The following DCAF4 variants were observed in gnomAD, a reference collection of about 807,000 sequenced individuals.
DCAF4 encodes the protein DDB1- and CUL4-associated factor 4.
In DCAF4, 37 loss-of-function variants were observed where a neutral mutation model predicts 60.9. The ratio of observed to expected loss-of-function variants is 0.61; its 90% CI spans 0.47 to 0.80. The LOEUF (loss-of-function observed/expected upper bound fraction) is 0.80. DCAF4 is among the 30% of genes least tolerant of loss of function. The pLI, the probability that DCAF4 is intolerant of heterozygous loss-of-function variation, is 0.00. For synonymous variants in DCAF4, 243 were observed against 254.8 expected (o/e 0.95, Z 0.44); for missense variants, 577 against 650.0 (o/e 0.89, Z 1.22).
chr14:72,944,205 C>G (rs1890424711), intron 6 of DCAF4, among the ~76,000 whole-genome samples: 1 of 152,178 alleles, frequency 6.6e-6, no homozygotes, highest in Admixed American at 6.5e-5. Context: ...TAGGTCGTCT[C>G]CATCACCCAA....
chr14:72,940,518 G>GACAGGA, intron 4 of DCAF4, 141 bp downstream of exon 4: 1 of 796,298 alleles, frequency 1.3e-6, no homozygotes, highest in South Asian at 2.4e-5. Flanking sequence ...GCTTTTCCCT[G>GACAGGA]ACAGGAAGAA....
chr14:72,941,993 C>A, intron 5 of DCAF4, 169 bp downstream of exon 5: 1 of 634,718 alleles, frequency 1.6e-6, no homozygotes. Context: ...TAAACCCACC[C>A]TGAGAAAGCT....
In DCAF4 at chr14:72,931,263, C is replaced by CTTTTTTTT. The variant is rs370127536; in HGVS notation, c.-9+4731_-9+4738dup. ...AAATATATTCCTAAGTACTTTTTCTCTTTTTTTTTTTTTTTTTTGTAACTG... is the reference window on the plus strand; with the variant it reads ...AAATATATTCCTAAGTACTTTTTCTCTTTTTTTTTTTTTTTTTTTTTTTTTTGTAACTG... On this transcript the variant is annotated intron_variant, in intron 1 of 13. Coordinates refer to ENST00000358377, the MANE Select transcript of DCAF4 (RefSeq NM_015604.4). 5.5e-5 allele frequency among the ~76,000 whole-genome samples: 7 copies of CTTTTTTTT among 126,798 alleles called. 1 individual carries two copies. The highest frequency in any genetic ancestry group is 9.6e-5 in the Non-Finnish European group (6 of 62,478). The allele number at this position is 126,798 out of a possible 152,430, so 83.2% of individuals were successfully genotyped here.
intron 1 of DCAF4, chr14:72,926,745 G>A (rs1887608479): frequency 6.6e-6 from 1 of 152,304 alleles, no homozygotes; most frequent in Admixed American, 6.5e-5. Context: ...CCCGTTCTGG[G>A]GCGCGTGGGG....
At position 72,940,225 on chromosome 14, in the gene DCAF4, C is replaced by A; in HGVS notation, c.199C>A (p.Pro67Thr). 1 of 1,614,062 alleles carries A rather than the reference C, an allele frequency of 6.2e-7. No individual in the cohort carries two copies. Among genetic ancestry groups the A allele is most frequent in the South Asian group, 1.1e-5 (1 of 91,062 alleles). Residue 67 changes from proline (P) to threonine (T), a missense_variant, in exon 4 of 14, where the codon CCT becomes ACT. Coordinates refer to ENST00000358377, the MANE Select transcript of DCAF4 (RefSeq NM_015604.4). Reference protein sequence around the residue: ...TAGTSSVPELPGFYFDPEKKR... With the variant: ...TAGTSSVPELTGFYFDPEKKR... Reference sequence around the variant, plus strand: ...TTTAATTTTTTTGTCTAAAGAGCTACCTGGGTTTTACTTTGACCCTGAAAA... The same window carrying A: ...TTTAATTTTTTTGTCTAAAGAGCTAACTGGGTTTTACTTTGACCCTGAAAA...
At chr14:72,935,468 T>C (rs1889142534) in intron 1 of DCAF4, among the ~76,000 whole-genome samples, 1 of 152,232 alleles carries the variant, frequency 6.6e-6, no homozygotes, top group African/African-American at 2.4e-5. Flanking sequence ...TTGGCCAGGC[T>C]GATCTCAAAC....
chr14:72,949,736 G>A (rs1330094725), intron 8 of DCAF4, among the ~76,000 whole-genome samples: 1 of 152,166 alleles, frequency 6.6e-6, no homozygotes, highest in African/African-American at 2.4e-5. Context: ...CAGCCTGAGC[G>A]AAAGAGCAAG....
chr14:72,943,233 C>T (rs1051557360), intron 6 of DCAF4, 137 bp downstream of exon 6: 4 of 749,728 alleles, frequency 5.3e-6, no homozygotes, highest in Admixed American at 2.8e-5. Context: ...CTTGGTTGTA[C>T]GATTTTAACC....
intron 8 of DCAF4, among the ~76,000 whole-genome samples, chr14:72,949,680 C>T (rs1594782613): frequency 6.6e-6 from 1 of 152,090 alleles, no homozygotes; most frequent in Admixed American, 6.6e-5. Flanking sequence ...GCTTGAAAAC[C>T]CGGGAGACAG....
At chr14:72,947,251 G>T (rs961648438) in intron 8 of DCAF4, 60 bp downstream of exon 8, 2 of 1,589,332 alleles carry the variant, frequency 1.3e-6, no homozygotes, top group Non-Finnish European at 1.7e-6. Flanking sequence ...TTGGACCTGG[G>T]TATCTGTGGG....
chr14:72,940,107 G>A lies in DCAF4; in HGVS notation c.194-113G>A, dbSNP rs1219269702. The A allele has an allele frequency of 7.0e-5, 100 of 1,432,322 alleles. 1 individual carries two copies. The highest frequency in any genetic ancestry group is 5.4e-4 in the Middle Eastern group (3 of 5,530). 88.7% of individuals were successfully genotyped at this position (1,432,322 alleles called of 1,614,324 possible). A position where few individuals can be genotyped will look rare whatever the true frequency, so the allele number is the denominator to read the frequency against. ...TTGCCTGACAAGGCAGCTCATCCCCGCCCTCAGAAAAGACAGGCAGCCACG... is the reference window on the plus strand; with the variant it reads ...TTGCCTGACAAGGCAGCTCATCCCCACCCTCAGAAAAGACAGGCAGCCACG... On this transcript the variant is annotated intron_variant, in intron 3 of 13. Transcript: ENST00000358377.
intron 7 of DCAF4, 77 bp from the exon 8 acceptor site, chr14:72,947,065 T>C: frequency 6.3e-7 from 1 of 1,582,036 alleles, no homozygotes; most frequent in Non-Finnish European, 8.7e-7. Context: ...CACACGTCTG[T>C]GTCCCCACAT....
chr14:72,943,171 C>A, intron 6 of DCAF4, 75 bp downstream of exon 6: 2 of 1,370,202 alleles, frequency 1.5e-6, no homozygotes, highest in Non-Finnish European at 2.1e-6. Context: ...CGTTGCCAGT[C>A]ATCAAACCTG....
chr14:72,943,096 G>A lies in DCAF4; in HGVS notation c.534G>A (p.Leu178=). The A allele has an allele frequency of 6.2e-7, 1 of 1,613,870 alleles. No individual in the cohort carries two copies. Among genetic ancestry groups the A allele is most frequent in the Non-Finnish European group, 8.5e-7 (1 of 1,179,760 alleles). Residue 178 remains leucine (L), a splice_region_variant and synonymous_variant, in exon 6 of 14, where the codon CTG becomes CTA. Transcript: ENST00000358377. The part of the protein sequence containing the change: ...ALASDRFNLI[L]ADTNSDRLFT... ...CAAGCGACCGATTTAACCTCATACT[G>A]GTGAGTGGGAGGGGGACACCTGCCT... is the stretch of plus-strand genomic sequence containing the variant.
At chr14:72,930,615 C>T (rs1888436264) in intron 1 of DCAF4, among the ~76,000 whole-genome samples, 1 of 150,210 alleles carries the variant, frequency 6.7e-6, no homozygotes, top group Non-Finnish European at 1.5e-5. Context: ...TTTGATGAAG[C>T]CCAATTTATG....
chr14:72,961,721 C>A, downstream of DCAF4: 1 of 616,350 alleles, frequency 1.6e-6, no homozygotes, highest in Non-Finnish European at 2.0e-6. Context: ...TTGAGGATTG[C>A]GTGTTTGGCT....
chr14:72,929,617 C>CT (rs1888246678), intron 1 of DCAF4: 1 of 1,179,072 alleles, frequency 8.5e-7, no homozygotes, highest in African/African-American at 1.5e-5. Flanking sequence ...GGGGCTCAGT[C>CT]TTTCTTGGCA....
chr14:72,951,572 T>C (rs1891417339), intron 8 of DCAF4, among the ~76,000 whole-genome samples: 1 of 152,078 alleles, frequency 6.6e-6, no homozygotes. Flanking sequence ...GATCGCGCCA[T>C]TGCACCCCAG....
chr14:72,932,969 G>T lies in DCAF4; in HGVS notation c.-8-5002G>T, dbSNP rs531351454. 2.0e-5 allele frequency among the ~76,000 whole-genome samples: 3 copies of T among 152,038 alleles called. No individual in the cohort carries two copies. In the South Asian group the frequency reaches 6.2e-4, roughly 32 times the overall value. Reference sequence around the variant, plus strand: ...GCGCAGGCTGGTCTTGAACTCCTAGGCTCAAGCAATCCTCCTGCCTCGGCT... The same window carrying T: ...GCGCAGGCTGGTCTTGAACTCCTAGTCTCAAGCAATCCTCCTGCCTCGGCT... On this transcript the variant is annotated intron_variant, in intron 1 of 13. Coordinates refer to ENST00000358377, the MANE Select transcript of DCAF4 (RefSeq NM_015604.4).
Sources: gnomAD v4.1 joint callset for allele counts (sites outside exome capture counted in the v4.1 genomes callset) on GRCh38, gnomAD v4.1.1 for gene constraint, MANE v1.5 for transcripts, NCBI Gene and HGNC (gene_info 2026-07-23, HGNC 2026-07-21) for gene names.